CNTN5: variants seen among roughly 807,000 people sequenced by gnomAD.
The protein encoded by CNTN5 is contactin 5.
CNTN5 carries 77 observed loss-of-function variants against 129.1 expected under a neutral mutation model. That is an observed-to-expected ratio of 0.60 (90% CI 0.50 to 0.72). The LOEUF (loss-of-function observed/expected upper bound fraction) is 0.72. Ranked by LOEUF, CNTN5 falls within the 30% of genes least tolerant of loss-of-function variation. The pLI is 0.00. For missense variants in CNTN5, 1,478 were observed against 1,328.8 expected (o/e 1.11, Z -1.75); for synonymous variants, 509 against 465.6 (o/e 1.09, Z -1.20).
chr11:99,464,670 A>G (rs1944864427), intron 2 of CNTN5, among the ~76,000 whole-genome samples: 1 of 152,136 alleles, frequency 6.6e-6, no homozygotes, highest in African/African-American at 2.4e-5. Flanking sequence ...ACTATTGGGA[A>G]CCTACAGATT....
At chr11:99,538,833 A>G (rs1947994848) in intron 2 of CNTN5, among the ~76,000 whole-genome samples, 2 of 152,144 alleles carry the variant, frequency 1.3e-5, no homozygotes, top group South Asian at 4.1e-4. Context: ...ACACAGCTTC[A>G]GAATAAAATT....
At chr11:99,699,332 C>T (rs1326826067) in intron 3 of CNTN5, among the ~76,000 whole-genome samples, 1 of 151,342 alleles carries the variant, frequency 6.6e-6, no homozygotes, top group African/African-American at 2.4e-5. Flanking sequence ...ATCTAAAAAA[C>T]TTTTTAAAAA....
chr11:100,000,156 A>G lies in CNTN5; in HGVS notation c.878-1878A>G, dbSNP rs1343717543. ...CATGTATCCTAAAACTTAAAGTATA[A>G]TAATAATAAAAATAAATAAATAAAT... On this transcript the variant is annotated intron_variant, in intron 8 of 24. Coordinates refer to ENST00000524871, the MANE Select transcript of CNTN5 (RefSeq NM_014361.4). Among the ~76,000 whole-genome samples, 4 of 151,950 alleles carry G rather than the reference A, an allele frequency of 2.6e-5. No individual in the cohort carries two copies. The East Asian group carries it at 7.7e-4, about 29-fold the overall frequency.
intron 9 of CNTN5, among the ~76,000 whole-genome samples, chr11:100,016,376 C>A (rs1389887223): frequency 6.6e-6 from 1 of 151,958 alleles, no homozygotes; most frequent in Non-Finnish European, 1.5e-5. Context: ...AATATTGCAA[C>A]TTCATATTCT....
At chr11:99,083,048 ACAC>A (rs1299808924) in intron 1 of CNTN5, among the ~76,000 whole-genome samples, 1 of 152,042 alleles carries the variant, frequency 6.6e-6, no homozygotes, top group African/African-American at 2.4e-5. Flanking sequence ...ACACACACAC[ACAC>A]ACACACGAAG....
In CNTN5 at chr11:99,394,469, T is replaced by C. The variant is rs560633249; in HGVS notation, c.-71+68985T>C. 2.4e-4 allele frequency among the ~76,000 whole-genome samples: 37 copies of C among 151,842 alleles called. No homozygotes were observed. The South Asian group carries it at 7.7e-3, about 31-fold the overall frequency. On this transcript the variant is annotated intron_variant, in intron 2 of 24. Transcript: ENST00000524871. ...CATCTTTCATTTCAGAATCAACTTA[T>C]ATGCTAGCTTTTTCATGGTTTATGA... is the stretch of plus-strand genomic sequence containing the variant.
intron 3 of CNTN5, among the ~76,000 whole-genome samples, chr11:99,731,692 A>T (rs573279642): frequency 6.6e-6 from 1 of 152,302 alleles, no homozygotes; most frequent in South Asian, 2.1e-4. Context: ...TGACAATTTC[A>T]TTCTGACCTT....
intron 3 of CNTN5, among the ~76,000 whole-genome samples, chr11:99,804,576 A>T (rs943473864): frequency 6.6e-6 from 1 of 151,488 alleles, no homozygotes; most frequent in Non-Finnish European, 1.5e-5. Context: ...ATTTAATTTT[A>T]TTTTTATAAT....
At chr11:100,003,316 A>C (rs890998552) in intron 9 of CNTN5, among the ~76,000 whole-genome samples, 1 of 152,184 alleles carries the variant, frequency 6.6e-6, no homozygotes, top group African/African-American at 2.4e-5. Context: ...GAAGCCTCCT[A>C]AACCTAAAGA....
chr11:99,809,912 CAA>C (rs1372294139), intron 3 of CNTN5, among the ~76,000 whole-genome samples: 3 of 152,122 alleles, frequency 2.0e-5, no homozygotes, highest in East Asian at 1.9e-4. Flanking sequence ...TTATCCAAAA[CAA>C]GAGGGAATTC....
intron 2 of CNTN5, among the ~76,000 whole-genome samples, chr11:99,335,148 T>C (rs147297112): frequency 5.3e-5 from 8 of 152,238 alleles, no homozygotes; most frequent in African/African-American, 1.9e-4. Context: ...CAGAAGCTGT[T>C]CTATGATTGA....
chr11:99,529,440 C>T (rs770571201), intron 2 of CNTN5, among the ~76,000 whole-genome samples: 1 of 152,150 alleles, frequency 6.6e-6, no homozygotes, highest in South Asian at 2.1e-4. Context: ...AACAGTTACA[C>T]TTAACATGAA....
chr11:99,854,893 G>A (rs974687563), intron 6 of CNTN5, among the ~76,000 whole-genome samples: 15 of 152,030 alleles, frequency 9.9e-5, no homozygotes, highest in African/African-American at 3.6e-4. Context: ...ACAAAATAAA[G>A]GTAGAAAGAA....
intron 1 of CNTN5, among the ~76,000 whole-genome samples, chr11:99,031,323 A>G (rs1042636626): frequency 2.6e-5 from 4 of 152,184 alleles, no homozygotes; most frequent in African/African-American, 9.6e-5. Context: ...GGTAAATCAT[A>G]TAATATTTTA....
At chr11:100,186,127 A>C (rs551063190) in intron 13 of CNTN5, among the ~76,000 whole-genome samples, 16 of 152,280 alleles carry the variant, frequency 1.1e-4, no homozygotes, top group African/African-American at 3.8e-4. Flanking sequence ...TGGGAGGCCA[A>C]GACAGGTACA....
chr11:99,620,719 C>T (rs1455345373), intron 3 of CNTN5, among the ~76,000 whole-genome samples: 3 of 151,814 alleles, frequency 2.0e-5, no homozygotes, highest in Non-Finnish European at 4.4e-5. Context: ...CGCTCCCCCC[C>T]GGCCATCAGC....
chr11:99,990,092 A>C (rs1480096382), intron 8 of CNTN5, among the ~76,000 whole-genome samples: 1 of 152,018 alleles, frequency 6.6e-6, no homozygotes, highest in Non-Finnish European at 1.5e-5. Flanking sequence ...TGCCAGAGAA[A>C]ACTTTCATGT....
Position 100,105,622 on chromosome 11 carries a change from C to G in CNTN5, c.1580+31328C>G, listed in dbSNP as rs1471435244. ...ACATAGCACTTTTCCCACTGAGTCC[C>G]CTGTTGTTCTAAGTCTGCCTTTGAT... On this transcript the variant is annotated intron_variant, in intron 13 of 24. Coordinates refer to ENST00000524871, the MANE Select transcript of CNTN5 (RefSeq NM_014361.4). Among the ~76,000 whole-genome samples the G allele has an allele frequency of 2.0e-5, 3 of 152,140 alleles. No individual in the cohort carries two copies. In the East Asian group the frequency reaches 5.8e-4, roughly 29 times the overall value.
chr11:100,152,324 TTTGGAAGGTTAA>T (rs1033458315), intron 13 of CNTN5, among the ~76,000 whole-genome samples: 13 of 152,240 alleles, frequency 8.5e-5, no homozygotes, highest in Admixed American at 8.5e-4. Context: ...TCTGCTTAAG[TTTGGAAGGTTAA>T]TTGCTGGCAG....
Sources: allele counts gnomAD v4.1 joint callset (sites outside exome capture counted in the v4.1 genomes callset), GRCh38; gene constraint gnomAD v4.1.1; transcripts MANE v1.5; gene names NCBI Gene and HGNC (gene_info 2026-07-23, HGNC 2026-07-21).